KLRD1: variants seen among roughly 807,000 people sequenced by gnomAD.
The protein encoded by KLRD1 is killer cell lectin like receptor D1.
A neutral mutation model predicts 22.6 loss-of-function variants in KLRD1; 21 were observed. The observed-to-expected ratio is 0.93, with a 90% CI of 0.66 to 1.34. The LOEUF is 1.34. Ranked by LOEUF, KLRD1 falls within the 40% of genes most tolerant of loss-of-function variation. The probability of loss-of-function intolerance (pLI) is 0.00; values close to 1 mark genes in which losing one functional copy is unlikely to be tolerated. For synonymous variants in KLRD1, 59 were observed against 71.1 expected, an observed-to-expected ratio of 0.83 and a Z score of 0.85; for missense variants, 183 against 208.6, an observed-to-expected ratio of 0.88 and a Z score of 0.76.
At chr12:10,297,605 G>C (rs1323857770) in intron 1 of KLRD1, among the ~76,000 whole-genome samples, 1 of 151,970 alleles carries the variant, frequency 6.6e-6, no homozygotes, top group East Asian at 1.9e-4. Context: ...CACTCTTTCA[G>C]GGTTGTCACT....
At chr12:10,253,406 A>T (rs1949363057) in intron 1 of KLRD1, among the ~76,000 whole-genome samples, 1 of 81,124 alleles carries the variant, frequency 1.2e-5, no homozygotes, top group South Asian at 1.0e-3. Context: ...TTTCTTTCAC[A>T]GTGTCTTTTT....
upstream of KLRD1, among the ~76,000 whole-genome samples, chr12:10,306,252 CTG>C (rs1043979688): frequency 6.6e-6 from 1 of 151,618 alleles, no homozygotes; most frequent in African/African-American, 2.4e-5. Flanking sequence ...TATATGTTTA[CTG>C]TGTGTGTGTA....
At chr12:10,246,928 C>CTTTTTTTTT (rs1208226436) in intron 1 of KLRD1, among the ~76,000 whole-genome samples, 4 of 129,686 alleles carry the variant, frequency 3.1e-5, no homozygotes, top group South Asian at 2.6e-4. Flanking sequence ...CTTTTCTTTT[C>CTTTTTTTTT]TTTTCTTTTT....
intron 1 of KLRD1, among the ~76,000 whole-genome samples, chr12:10,252,369 C>T (rs989966494): frequency 2.0e-5 from 3 of 152,028 alleles, no homozygotes; most frequent in Admixed American, 6.5e-5. Flanking sequence ...CTGGGCGTGG[C>T]GATGTGCACC....
intron 1 of KLRD1, among the ~76,000 whole-genome samples, chr12:10,253,932 C>A (rs1949367263): frequency 6.6e-6 from 1 of 151,882 alleles, no homozygotes; most frequent in African/African-American, 2.4e-5. Context: ...GGGTATATAC[C>A]CAGTAATGGG....
chr12:10,312,503 C>T (rs1391260018), intron 4 of KLRD1, among the ~76,000 whole-genome samples: 1 of 151,400 alleles, frequency 6.6e-6, no homozygotes, highest in African/African-American at 2.4e-5. Flanking sequence ...CTCAGCCTCC[C>T]GAGTAGCTGG....
At chr12:10,312,661 A>G (rs2137712666) in intron 4 of KLRD1, among the ~76,000 whole-genome samples, 1 of 148,166 alleles carries the variant, frequency 6.7e-6, no homozygotes, top group South Asian at 2.3e-4. Context: ...TACAGGCGTG[A>G]GCCACCGTGC....
intron 1 of KLRD1, among the ~76,000 whole-genome samples, chr12:10,241,060 A>C (rs544519248): frequency 2.4e-4 from 36 of 152,312 alleles, no homozygotes; most frequent in African/African-American, 8.7e-4. Flanking sequence ...ACTATTTCAT[A>C]ATAAGAGTTG....
Position 10,314,829 on chromosome 12 carries a change from C to T in KLRD1, c.*36C>T. 2 of 1,565,188 alleles carry T rather than the reference C, an allele frequency of 1.3e-6. No homozygotes were observed. The highest frequency in any genetic ancestry group is 1.8e-5 in the Admixed American group (1 of 55,380). ...GGGCAGAGAAGGTGGAGAGTAAAGA[C>T]CCAACATTACTAACAATGATACAGT... On this transcript the variant is annotated 3_prime_UTR_variant, in exon 6 of 6. Transcript: ENST00000336164.
At chr12:10,245,182 A>C (rs572832444) in intron 1 of KLRD1, among the ~76,000 whole-genome samples, 1 of 151,974 alleles carries the variant, frequency 6.6e-6, no homozygotes, top group African/African-American at 2.4e-5. Flanking sequence ...ATATGGTGAA[A>C]CTCTGCCTCT....
In KLRD1 at chr12:10,243,631, A is replaced by AAAAAAAAAAAAAAAAAAAAAAAAAAAAAG. The variant is rs771543645; in HGVS notation, c.-101+17400_-101+17401insAAAAAAAAAAAAAAAAAAAAAAAAAAGAA. ...CCAAAAAAAAAAAAAAAAAAAAAAA[A>AAAAAAAAAAAAAAAAAAAAAAAAAAAAAG]AACCGAAATGAAAGATATGGAACAA... is the stretch of plus-strand genomic sequence containing the variant. On this transcript the variant is annotated intron_variant, in intron 1 of 5. Transcript: ENST00000544747. Among the ~76,000 whole-genome samples the AAAAAAAAAAAAAAAAAAAAAAAAAAAAAG allele has an allele frequency of 1.5e-4, 18 of 118,774 alleles. 2 individuals are homozygous for AAAAAAAAAAAAAAAAAAAAAAAAAAAAAG. The highest frequency in any genetic ancestry group is 3.3e-4 in the African/African-American group (8 of 24,116). 77.9% of individuals were successfully genotyped at this position (118,774 alleles called of 152,430 possible). A position where few individuals can be genotyped will look rare whatever the true frequency, so the allele number is the denominator to read the frequency against.
chr12:10,312,788 C>G (rs921257661), intron 4 of KLRD1, among the ~76,000 whole-genome samples: 3 of 151,290 alleles, frequency 2.0e-5, no homozygotes, highest in Admixed American at 6.6e-5. Flanking sequence ...GAGATCGAGA[C>G]CATCCTGGCT....
chr12:10,299,331 A>G (rs1949848210), intron 1 of KLRD1, among the ~76,000 whole-genome samples: 1 of 152,166 alleles, frequency 6.6e-6, no homozygotes, highest in Admixed American at 6.5e-5. Context: ...ATTTCCAGAT[A>G]ATGATAAGAA....
At chr12:10,253,828 C>T (rs1052861295) in intron 1 of KLRD1, among the ~76,000 whole-genome samples, 1 of 152,020 alleles carries the variant, frequency 6.6e-6, no homozygotes, top group African/African-American at 2.4e-5. Flanking sequence ...TTGATGGGCA[C>T]TTAGGTTGAA....
At chr12:10,291,643 A>G (rs1379044289) in intron 1 of KLRD1, among the ~76,000 whole-genome samples, 1 of 144,016 alleles carries the variant, frequency 6.9e-6, no homozygotes, top group Non-Finnish European at 1.5e-5. Flanking sequence ...ATCCTATACT[A>G]TTTTAAGTTC....
chr12:10,239,434 T>TTCCCTTCCTTCC (rs59390706), intron 1 of KLRD1, among the ~76,000 whole-genome samples: 1 of 41,402 alleles, frequency 2.4e-5, no homozygotes, highest in African/African-American at 8.1e-5. Flanking sequence ...CCTTCCTTCC[T>TTCCCTTCCTTCC]TTCCTTCCTT....
In KLRD1 at chr12:10,323,885, T is replaced by C. The variant is rs1446199115; in HGVS notation, c.*9092T>C. On this transcript the variant is annotated 3_prime_UTR_variant, in exon 6 of 6. Coordinates refer to ENST00000336164, the MANE Select transcript of KLRD1 (RefSeq NM_002262.5). Reference sequence around the variant, plus strand: ...TTTCCTTTTTTTTTTTTTTTGAGACTGAGTATTGCTCTGTCACCCAGATTA... The same window carrying C: ...TTTCCTTTTTTTTTTTTTTTGAGACCGAGTATTGCTCTGTCACCCAGATTA... The C allele has an allele frequency of 6.8e-6, 1 of 147,930 alleles. No homozygotes were observed. The highest frequency in any genetic ancestry group is 1.5e-5 in the Non-Finnish European group (1 of 67,272). The allele number at this position is 147,930 out of a possible 1,614,324, so 9.2% of individuals were successfully genotyped here.
intron 1 of KLRD1, among the ~76,000 whole-genome samples, chr12:10,260,094 GC>G (rs1949437750): frequency 1.2e-4 from 2 of 16,552 alleles, no homozygotes; most frequent in Non-Finnish European, 0.011. Context: ...ATAACTAGAT[GC>G]TCATATCATT....
At chr12:10,257,668 TA>T (rs1949412584) in intron 1 of KLRD1, among the ~76,000 whole-genome samples, 1 of 144,324 alleles carries the variant, frequency 6.9e-6, no homozygotes, top group African/African-American at 2.5e-5. Flanking sequence ...TTTTTGAGCA[TA>T]TTTAGTACAG....
Sources: gnomAD v4.1 joint callset for allele counts (sites outside exome capture counted in the v4.1 genomes callset) on GRCh38, gnomAD v4.1.1 for gene constraint, MANE v1.5 for transcripts, NCBI Gene and HGNC (gene_info 2026-07-23, HGNC 2026-07-21) for gene names.